PTCH2: variants seen among roughly 807,000 people sequenced by gnomAD.
PTCH2 encodes the protein patched 2.
PTCH2 carries 96 observed loss-of-function variants against 117.9 expected under a neutral mutation model. The ratio of observed to expected loss-of-function variants is 0.81; its 90% CI spans 0.69 to 0.96. The LOEUF is 0.96. Among genes scored for constraint, PTCH2 ranks in the 50% least tolerant of loss-of-function variants. The probability of loss-of-function intolerance (pLI) is 0.00; values close to 1 mark genes in which losing one functional copy is unlikely to be tolerated. For missense variants in PTCH2, 1,379 were observed against 1,562.5 expected, an observed-to-expected ratio of 0.88 and a Z score of 1.98; for synonymous variants, 615 against 660.9, an observed-to-expected ratio of 0.93 and a Z score of 1.06.
Position 44,831,097 on chromosome 1 carries a change from A to G in PTCH2, c.618-54T>C. ...GTCAGGGACGAAAACCCAGGCTCCA[A>G]ACTGCTGCTGGGGCGCCATGCTGTA... On this transcript the variant is annotated intron_variant, in intron 5 of 21. Transcript: ENST00000372192. The surrounding 1 kb of genome is among the most constrained non-coding windows in gnomAD (Gnocchi z 4.3). 1 of 1,546,486 alleles carries G rather than the reference A, an allele frequency of 6.5e-7. No homozygotes were observed. Among genetic ancestry groups the G allele is most frequent in the Non-Finnish European group, 8.9e-7 (1 of 1,129,072 alleles).
In PTCH2 at chr1:44,826,904, C is replaced by A; in HGVS notation, c.2693G>T (p.Arg898Leu). 6.2e-7 allele frequency: 1 copy of A among 1,613,934 alleles called. No homozygotes were observed. The highest frequency in any genetic ancestry group is 1.1e-5 in the South Asian group (1 of 91,080). Residue 898 changes from arginine (R) to leucine (L), a missense_variant and splice_region_variant, in exon 17 of 22, where the codon CGC becomes CTC. Physicochemically the swap from Arg to Leu is moderately radical, Grantham distance 102. Transcript: ENST00000372192. This position sits in a 1 kb window ranked among gnomAD's most constrained non-coding sequence, Gnocchi z 5.1. ...DKYDTTGENL[R>L]IPPAQPLEFA... ...GCCGAGCTCCCCCCAAGACTCACTG[C>A]GAAGGTTCTCCCCCGTGGTGTCGTA...
downstream of PTCH2, among the ~76,000 whole-genome samples, chr1:44,821,426 G>T (rs756226787): frequency 6.6e-6 from 1 of 152,222 alleles, no homozygotes; most frequent in Non-Finnish European, 1.5e-5. Context: ...TTGCCTTGGA[G>T]GTTGCTCTGG....
rs750281691 is a variant in PTCH2, at chr1:44,823,360, C to T, written c.3140G>A (p.Arg1047Gln). 14 of 1,614,088 alleles carry T rather than the reference C, an allele frequency of 8.7e-6. No individual in the cohort carries two copies. Among genetic ancestry groups the T allele is most frequent in the Admixed American group, 3.3e-5 (2 of 60,004 alleles). ...AAGGGCATGGGCGGCCCGCAGGTTC[C>T]GGCTGCCCTGGGTGGTCAGGAAGCC... ...ALGFLTTQGS[R>Q]NLRAAHALEH... The change falls in exon 20 of 22, where the codon CGG (arginine) becomes CAG (glutamine). Residue 1047 changes from arginine to glutamine, a missense_variant. Coordinates refer to ENST00000372192, the MANE Select transcript of PTCH2 (RefSeq NM_003738.5). The surrounding 1 kb of genome is among the most constrained non-coding windows in gnomAD (Gnocchi z 5.1).
chr1:44,830,768 G>T, intron 6 of PTCH2, 80 bp downstream of exon 6: 1 of 1,408,322 alleles, frequency 7.1e-7, no homozygotes. Flanking sequence ...AGAGCAGTCA[G>T]CTCCCCCAGA....
Position 44,827,546 on chromosome 1 carries a change from T to C in PTCH2, c.2227A>G (p.Thr743Ala), listed in dbSNP as rs1653217371. The change falls in exon 15 of 22, where the codon ACC (threonine) becomes GCC (alanine). Residue 743 changes from threonine to alanine, a missense_variant. Physicochemically the swap from Thr to Ala is moderately conservative, Grantham distance 58. Coordinates refer to ENST00000372192, the MANE Select transcript of PTCH2 (RefSeq NM_003738.5). ...TGGGCGTAGTCAAAGCCACCCTGGG[T>C]CACCAGGGCCACCTCGTACAGGGAG... is the stretch of plus-strand genomic sequence containing the variant. The part of the protein sequence containing the change: ...YFSLYEVALV[T>A]QGGFDYAHSQ... The C allele has an allele frequency of 6.2e-7, 1 of 1,613,880 alleles. No individual in the cohort carries two copies. The highest frequency in any genetic ancestry group is 2.2e-5 in the East Asian group (1 of 44,884).
intron 2 of PTCH2, among the ~76,000 whole-genome samples, chr1:44,832,569 C>T (rs995621970): frequency 3.9e-5 from 6 of 152,194 alleles, no homozygotes; most frequent in African/African-American, 1.2e-4. Flanking sequence ...TGTGGCTCTG[C>T]GGATTTCTTG....
chr1:44,827,437 C>T lies in PTCH2; in HGVS notation c.2336G>A (p.Arg779His), dbSNP rs45493198. 3.7e-6 allele frequency: 6 copies of T among 1,613,132 alleles called. No individual in the cohort carries two copies. The highest frequency in any genetic ancestry group is 4.5e-5 in the East Asian group (2 of 44,876). ...GTTGCGGTAATAGTGCAGCCAGGTG[C>T]GGGGTGCCTGGGTGGCCGGTGGGGG... ...VLPPPATQAP[R>H]TWLHYYRNWL... is the part of the protein sequence containing the mutation. The change falls in exon 15 of 22, where the codon CGC (arginine) becomes CAC (histidine). Residue 779 changes from arginine to histidine, a missense_variant. Arg to His is a conservative substitution (Grantham distance 29). Transcript: ENST00000372192.
intron 2 of PTCH2, among the ~76,000 whole-genome samples, chr1:44,838,123 G>T (rs1470759091): frequency 2.0e-5 from 3 of 151,916 alleles, no homozygotes. Flanking sequence ...TATGAGAGAG[G>T]TTAAGAAGCA....
At chr1:44,827,758 C>T (rs778354934) in intron 14 of PTCH2, 44 bp from the exon 15 acceptor site, 14 of 1,611,586 alleles carry the variant, frequency 8.7e-6, no homozygotes, top group Non-Finnish European at 1.2e-5. Context: ...GGGCTGCCCC[C>T]AGCCCCTCAG....
intron 2 of PTCH2, among the ~76,000 whole-genome samples, chr1:44,840,921 G>A (rs775015571): frequency 4.0e-5 from 6 of 149,524 alleles, no homozygotes; most frequent in Non-Finnish European, 7.4e-5. Flanking sequence ...AAAATTAGCT[G>A]GGTGTGGTGG....
At position 44,826,910 on chromosome 1, in the gene PTCH2, T is replaced by C. The variant is rs1288364565; in HGVS notation, c.2687A>G (p.Asn896Ser). Residue 896 changes from asparagine (N) to serine (S), a missense_variant, in exon 17 of 22, where the codon AAC becomes AGC. Coordinates refer to ENST00000372192, the MANE Select transcript of PTCH2 (RefSeq NM_003738.5). This position sits in a 1 kb window ranked among gnomAD's most constrained non-coding sequence, Gnocchi z 5.1. ...LHDKYDTTGENLRIPPAQPLE... is the reference protein window; with the variant it reads ...LHDKYDTTGESLRIPPAQPLE... ...CTCCCCCCAAGACTCACTGCGAAGG[T>C]TCTCCCCCGTGGTGTCGTATTTGTC... is the stretch of plus-strand genomic sequence containing the variant. 6.2e-7 allele frequency: 1 copy of C among 1,613,696 alleles called. No homozygotes were observed. Among genetic ancestry groups the C allele is most frequent in the Non-Finnish European group, 8.5e-7 (1 of 1,179,926 alleles).
rs528004785 is a variant in PTCH2, at chr1:44,828,057, G to T, written c.1844C>A (p.Thr615Asn). ...CAGGTGGGCTTGGGGAGGCAGGATGGTGACCACATGCTGGCTGCTGGCTTC... is the reference window on the plus strand; with the variant it reads ...CAGGTGGGCTTGGGGAGGCAGGATGTTGACCACATGCTGGCTGCTGGCTTC... ...HCEASSQHVV[T>N]ILPPQAHLVP... The change falls in exon 14 of 22, where the codon ACC (threonine) becomes AAC (asparagine). Residue 615 changes from threonine (T) to asparagine (N), a missense_variant. Transcript: ENST00000372192. 2.2e-5 allele frequency: 35 copies of T among 1,614,062 alleles called. No homozygotes were observed. Among genetic ancestry groups the T allele is most frequent in the Non-Finnish European group, 2.9e-5 (34 of 1,180,020 alleles).
intron 19 of PTCH2, among the ~76,000 whole-genome samples, chr1:44,824,373 C>T (rs1423867313): frequency 1.3e-5 from 2 of 152,054 alleles, no homozygotes; most frequent in Non-Finnish European, 2.9e-5. Context: ...TCTGTGGGTC[C>T]CCCCTTTCCT....
intron 2 of PTCH2, among the ~76,000 whole-genome samples, chr1:44,840,424 A>T (rs1653893335): frequency 6.9e-6 from 1 of 145,182 alleles, no homozygotes; most frequent in Non-Finnish European, 1.5e-5. Context: ...ATGAGAAATC[A>T]TTCTGGCCAG....
rs1165285331 is a variant in PTCH2, at chr1:44,830,984, C to T, written c.677G>A (p.Gly226Asp). The T allele has an allele frequency of 6.2e-7, 1 of 1,612,586 alleles. No individual in the cohort carries two copies. ...GAAGCCCTCAAGGGAGGCAAAGGGA[C>T]CCAGCTCCTCCAGCAGCTGCTCTGG... is the stretch of plus-strand genomic sequence containing the variant. Reference protein sequence around the residue: ...LDPEQLLEELGPFASLEGFRE... With the variant: ...LDPEQLLEELDPFASLEGFRE... The change falls in exon 6 of 22, where the codon GGT becomes GAT. Residue 226 changes from glycine to aspartate, a missense_variant. By Grantham distance (94) the Gly-to-Asp change is moderately conservative. Coordinates refer to ENST00000372192, the MANE Select transcript of PTCH2 (RefSeq NM_003738.5).
Position 44,828,963 on chromosome 1 carries a change from C to T in PTCH2, c.1464+19G>A, listed in dbSNP as rs923499326. On this transcript the variant is annotated intron_variant, in intron 11 of 21. Transcript: ENST00000372192. ...TAAGCTGAGCTGCCTCAGATGAGCCCTGGGGGACAAGGCCCCACCTGGAGA... is the reference window on the plus strand; with the variant it reads ...TAAGCTGAGCTGCCTCAGATGAGCCTTGGGGGACAAGGCCCCACCTGGAGA... 1 of 1,551,040 alleles carries T rather than the reference C, an allele frequency of 6.4e-7. No individual in the cohort carries two copies. Among genetic ancestry groups the T allele is most frequent in the Non-Finnish European group, 8.7e-7 (1 of 1,146,474 alleles).
At chr1:44,827,769 G>T in intron 14 of PTCH2, 55 bp from the exon 15 acceptor site, 2 of 1,611,642 alleles carry the variant, frequency 1.2e-6, no homozygotes, top group East Asian at 2.2e-5. Flanking sequence ...AGCCCCTCAG[G>T]CAGTGGACTA....
Position 44,827,578 on chromosome 1 carries a change from C to T in PTCH2, c.2195G>A (p.Arg732Lys), listed in dbSNP as rs1378868892. 2 of 1,614,006 alleles carry T rather than the reference C, an allele frequency of 1.2e-6. No homozygotes were observed. Among genetic ancestry groups the T allele is most frequent in the African/African-American group, 1.3e-5 (1 of 74,930 alleles). Residue 732 changes from arginine (R) to lysine (K), a missense_variant, in exon 15 of 22, where the codon AGG (arginine) becomes AAG (lysine). Physicochemically the swap from Arg to Lys is conservative, Grantham distance 26. Transcript: ENST00000372192. ...KEHAFLSAQLRYFSLYEVALV... is the reference protein window; with the variant it reads ...KEHAFLSAQLKYFSLYEVALV... ...GGCCACCTCGTACAGGGAGAAGTACCTGAGCTGGGCGCTCAGGAAGGCATG... is the reference window on the plus strand; with the variant it reads ...GGCCACCTCGTACAGGGAGAAGTACTTGAGCTGGGCGCTCAGGAAGGCATG...
chr1:44,822,683 C>T lies in PTCH2; in HGVS notation c.3358-14G>A. On this transcript the variant is annotated splice_polypyrimidine_tract_variant and intron_variant, in intron 21 of 21. Transcript: ENST00000372192. Reference sequence around the variant, plus strand: ...CATCTGTATCACCTGTGGGGAGACACCAGCCCCAGTAAGCCCACGGGCCCC... The same window carrying T: ...CATCTGTATCACCTGTGGGGAGACATCAGCCCCAGTAAGCCCACGGGCCCC... 4 of 1,613,510 alleles carry T rather than the reference C, an allele frequency of 2.5e-6. No homozygotes were observed. The South Asian group carries it at 4.4e-5, about 18-fold the overall frequency.
Sources: gnomAD v4.1 joint callset for allele counts (sites outside exome capture counted in the v4.1 genomes callset) on GRCh38, gnomAD v4.1.1 for gene constraint, Gnocchi (gnomAD v3.1) non-coding constraint, MANE v1.5 for transcripts, NCBI Gene and HGNC (gene_info 2026-07-23, HGNC 2026-07-21) for gene names.